TRAM2: variants seen among roughly 807,000 people sequenced by gnomAD.
The protein encoded by TRAM2 is translocating chain-associated membrane protein 2.
A neutral mutation model predicts 51.0 loss-of-function variants in TRAM2; 12 were observed. The observed-to-expected ratio is 0.24, with a 90% confidence interval of 0.15 to 0.38. TRAM2 has a LOEUF of 0.38. Ranked by LOEUF, TRAM2 falls within the 10% of genes least tolerant of loss-of-function variation. The pLI is 1.00. For missense variants in TRAM2, 361 were observed against 462.0 expected (o/e 0.78, Z 2.00); for synonymous variants, 175 against 179.4 (o/e 0.98, Z 0.20).
intron 8 of TRAM2, 117 bp from the exon 9 acceptor site, chr6:52,505,859 G>A: frequency 6.9e-7 from 1 of 1,451,008 alleles, no homozygotes; most frequent in Non-Finnish European, 9.3e-7. Context: ...TGGGGAAAGT[G>A]CTTGAGGGAC....
At chr6:52,531,656 C>T (rs1766894666) in intron 2 of TRAM2, among the ~76,000 whole-genome samples, 1 of 152,186 alleles carries the variant, frequency 6.6e-6, no homozygotes, top group Non-Finnish European at 1.5e-5. Flanking sequence ...GGCTTTTGCA[C>T]ATGCTGGTCC....
At chr6:52,555,725 T>A (rs1237254238) in intron 1 of TRAM2, among the ~76,000 whole-genome samples, 3 of 152,202 alleles carry the variant, frequency 2.0e-5, no homozygotes, top group Admixed American at 2.0e-4. Context: ...GACAACCTCA[T>A]CTTTAAAAAA....
chr6:52,504,364 C>A (rs995187045), intron 10 of TRAM2, among the ~76,000 whole-genome samples: 1 of 152,212 alleles, frequency 6.6e-6, no homozygotes, highest in African/African-American at 2.4e-5. Flanking sequence ...GTGGCCAGGG[C>A]TCCCAGCCTA....
chr6:52,521,460 G>A (rs946208141), intron 2 of TRAM2, among the ~76,000 whole-genome samples: 2 of 151,678 alleles, frequency 1.3e-5, no homozygotes, highest in East Asian at 2.0e-4. Context: ...TTGGGAGGCC[G>A]AGGCAGGCGG....
chr6:52,504,668 T>C lies in TRAM2; in HGVS notation c.962A>G (p.Tyr321Cys). ...IHSQLRHWRE[Y>C]WNEQSAKRRV... Reference sequence around the variant, plus strand: ...CCGCTTTGCACTCTGCTCATTCCAGTATTCCCGCCAGTGCCGCAGCTGGGA... The same window carrying C: ...CCGCTTTGCACTCTGCTCATTCCAGCATTCCCGCCAGTGCCGCAGCTGGGA... Residue 321 changes from tyrosine to cysteine, a missense_variant, in exon 10 of 11, where the codon TAC (tyrosine) becomes TGC (cysteine). Transcript: ENST00000182527. 6.2e-7 allele frequency: 1 copy of C among 1,608,558 alleles called. No individual in the cohort carries two copies. The highest frequency in any genetic ancestry group is 8.5e-7 in the Non-Finnish European group (1 of 1,176,580).
At chr6:52,573,467 C>T (rs1296144620) in intron 1 of TRAM2, among the ~76,000 whole-genome samples, 1 of 152,180 alleles carries the variant, frequency 6.6e-6, no homozygotes, top group Non-Finnish European at 1.5e-5. Context: ...ACATTCCTGA[C>T]ATTTTTTAGC....
At chr6:52,512,303 T>C (rs2114066153) in intron 4 of TRAM2, among the ~76,000 whole-genome samples, 1 of 152,172 alleles carries the variant, frequency 6.6e-6, no homozygotes, top group East Asian at 1.9e-4. Flanking sequence ...AGGTCAGAAC[T>C]TTGAAGCCAA....
intron 1 of TRAM2, among the ~76,000 whole-genome samples, chr6:52,574,117 C>A (rs939572725): frequency 1.3e-5 from 2 of 152,156 alleles, no homozygotes; most frequent in Non-Finnish European, 2.9e-5. Flanking sequence ...CACCTACCAT[C>A]GCACCATATG....
At chr6:52,570,686 G>A (rs911828487) in intron 1 of TRAM2, among the ~76,000 whole-genome samples, 2 of 151,874 alleles carry the variant, frequency 1.3e-5, no homozygotes, top group African/African-American at 4.8e-5. Flanking sequence ...AAGCCGTCAC[G>A]AGGCAACGTG....
intron 1 of TRAM2, among the ~76,000 whole-genome samples, chr6:52,556,186 G>A (rs770943870): frequency 3.3e-5 from 5 of 152,000 alleles, no homozygotes; most frequent in Admixed American, 6.5e-5. Flanking sequence ...GGGCAGAGCC[G>A]GGGGCTGGGG....
intron 1 of TRAM2, among the ~76,000 whole-genome samples, chr6:52,557,087 G>A (rs1767422696): frequency 1.3e-5 from 2 of 152,004 alleles, no homozygotes; most frequent in South Asian, 2.1e-4. Context: ...CAACTACTTA[G>A]GAGGCTGAGG....
rs912416825 is a variant in TRAM2 at position 52,506,117 on chromosome 6, T to C, written c.646A>G (p.Ile216Val). The C allele has an allele frequency of 3.1e-6, 5 of 1,613,886 alleles. No individual in the cohort carries two copies. In the African/African-American group the frequency reaches 4.0e-5, roughly 13 times the overall value. ...YLLNLSRLGL[I>V]LLLLQYSTEF... Reference sequence around the variant, plus strand: ...GTTGAGTACTGCAGCAGCAGCAAGATCAGGCCCAGGCGGCTCAGGCTGGGG... The same window carrying C: ...GTTGAGTACTGCAGCAGCAGCAAGACCAGGCCCAGGCGGCTCAGGCTGGGG... The change falls in exon 8 of 11, where the codon ATC (isoleucine) becomes GTC (valine). Residue 216 changes from isoleucine to valine, a missense_variant. By Grantham distance (29) the Ile-to-Val change is conservative (BLOSUM62 3). Coordinates refer to ENST00000182527, the MANE Select transcript of TRAM2 (RefSeq NM_012288.4).
rs762893969 is a variant in TRAM2, at chr6:52,535,801, T to C, written c.166A>G (p.Ile56Val). ...AFLFILPQYN[I>V]SVPTADSETV... ...TTCTTACCTGCTGTAGGCACGCTAA[T>C]GTTATACTGAGGTAAAATAAATAGA... Residue 56 changes from isoleucine to valine, a missense_variant, in exon 2 of 11, where the codon ATT becomes GTT. Ile to Val is a conservative substitution (Grantham distance 29). Transcript: ENST00000182527. 4.0e-5 allele frequency: 65 copies of C among 1,613,868 alleles called. No individual in the cohort carries two copies. The highest frequency in any genetic ancestry group is 4.7e-5 in the Non-Finnish European group (56 of 1,179,912).
chr6:52,558,253 G>A (rs767292502), intron 1 of TRAM2, among the ~76,000 whole-genome samples: 4 of 152,102 alleles, frequency 2.6e-5, no homozygotes, highest in Non-Finnish European at 4.4e-5. Flanking sequence ...TAGCCAAACC[G>A]GATGCCAGAA....
chr6:52,565,172 A>G (rs745840094), intron 1 of TRAM2, among the ~76,000 whole-genome samples: 5 of 152,188 alleles, frequency 3.3e-5, no homozygotes, highest in Non-Finnish European at 7.3e-5. Flanking sequence ...AGGGAGACCC[A>G]TGTTCAGCTC....
intron 10 of TRAM2, 48 bp from the exon 11 acceptor site, chr6:52,503,318 AAG>A: frequency 1.3e-6 from 2 of 1,557,760 alleles, no homozygotes; most frequent in Non-Finnish European, 1.8e-6. Flanking sequence ...TGCTGGAGCT[AAG>A]GCAGAAGAGG....
chr6:52,508,361 GT>G (rs768176852), intron 5 of TRAM2, 43 bp from the exon 6 acceptor site: 22 of 1,590,586 alleles, frequency 1.4e-5, no homozygotes, highest in Non-Finnish European at 1.8e-5. Context: ...ATAGAGAAAA[GT>G]GTCCCTGCAG....
At chr6:52,565,037 C>A (rs1042151078) in intron 1 of TRAM2, among the ~76,000 whole-genome samples, 1 of 152,082 alleles carries the variant, frequency 6.6e-6, no homozygotes, top group South Asian at 2.1e-4. Flanking sequence ...CAATGAGGGT[C>A]AGGGCAGGGA....
chr6:52,569,305 G>T (rs1343191868), intron 1 of TRAM2, among the ~76,000 whole-genome samples: 1 of 151,132 alleles, frequency 6.6e-6, no homozygotes, highest in East Asian at 1.9e-4. Context: ...TGGGAGAATC[G>T]CTTGAACCCG....
Sources: gnomAD v4.1 joint callset for allele counts (sites outside exome capture counted in the v4.1 genomes callset) on GRCh38, gnomAD v4.1.1 for gene constraint, MANE v1.5 for transcripts, NCBI Gene and HGNC (gene_info 2026-07-23, HGNC 2026-07-21) for gene names.